Variants in SEM1 observed in about 807,000 individuals in gnomAD.
SEM1 encodes the protein SEM1 26S proteasome subunit, also known as 26S proteasome complex subunit SEM1.
A neutral mutation model predicts 12.7 loss-of-function variants in SEM1; 3 were observed. The observed-to-expected ratio is 0.24, with a 90% confidence interval of 0.11 to 0.61. SEM1 has a LOEUF of 0.61. Ranked by LOEUF, SEM1 falls within the 20% of genes least tolerant of loss-of-function variation. SEM1 has a pLI of 0.88. For synonymous variants in SEM1, 30 were observed against 27.8 expected, an observed-to-expected ratio of 1.08 and a Z score of -0.25; for missense variants, 59 against 81.3, an observed-to-expected ratio of 0.73 and a Z score of 1.06.
At chr7:96,567,141 T>A (rs528213581) in intron 2 of SEM1, among the ~76,000 whole-genome samples, 6 of 151,778 alleles carry the variant, frequency 4.0e-5, no homozygotes, top group Admixed American at 3.9e-4. Context: ...ATAAAATTAA[T>A]GTATAGGTAA....
At chr7:96,504,431 A>G (rs928607399) in intron 3 of SEM1, among the ~76,000 whole-genome samples, 2 of 152,182 alleles carry the variant, frequency 1.3e-5, no homozygotes, top group Non-Finnish European at 2.9e-5. Context: ...ATAAAATAGT[A>G]TAACAAATCC....
chr7:96,543,264 A>G (rs1189592089), intron 2 of SEM1, among the ~76,000 whole-genome samples: 1 of 151,978 alleles, frequency 6.6e-6, no homozygotes. Context: ...TATTGGGAGT[A>G]TAAGTAATCT....
At chr7:96,565,850 A>C (rs893115685) in intron 2 of SEM1, among the ~76,000 whole-genome samples, 2 of 151,870 alleles carry the variant, frequency 1.3e-5, no homozygotes, top group Non-Finnish European at 2.9e-5. Context: ...ACCTCTCAAC[A>C]AGTGTTCCCA....
chr7:96,709,488 T>G (rs1163924801), intron 1 of SEM1, among the ~76,000 whole-genome samples, 200 bp downstream of exon 1: 3 of 152,110 alleles, frequency 2.0e-5, no homozygotes, highest in African/African-American at 7.2e-5. Context: ...CCATTGGGCC[T>G]CACCAGTGAG....
At chr7:96,485,499 C>G (rs1157546941) in intron 2 of SEM1, among the ~76,000 whole-genome samples, 3 of 150,358 alleles carry the variant, frequency 2.0e-5, no homozygotes, top group African/African-American at 7.3e-5. Flanking sequence ...TTTGGGCCCA[C>G]CTAAATAACC....
chr7:96,631,976 CAG>C (rs1808275896), intron 2 of SEM1, among the ~76,000 whole-genome samples: 1 of 152,120 alleles, frequency 6.6e-6, no homozygotes, highest in East Asian at 1.9e-4. Context: ...CTGGTCATAA[CAG>C]AAATGCAAAT....
At chr7:96,698,621 T>C (rs967183438) in intron 1 of SEM1, among the ~76,000 whole-genome samples, 7 of 152,226 alleles carry the variant, frequency 4.6e-5, no homozygotes, top group African/African-American at 1.7e-4. Context: ...CTGTATAGTA[T>C]TGCACAGCGT....
At chr7:96,535,766 C>T (rs938597625) in intron 2 of SEM1, among the ~76,000 whole-genome samples, 6 of 151,884 alleles carry the variant, frequency 4.0e-5, no homozygotes, top group African/African-American at 1.4e-4. Context: ...CAACTACATC[C>T]GTGTTGCTGT....
chr7:96,554,658 T>A (rs1805416590), intron 2 of SEM1, among the ~76,000 whole-genome samples: 1 of 151,728 alleles, frequency 6.6e-6, no homozygotes, highest in South Asian at 2.1e-4. Flanking sequence ...TAACATTCTC[T>A]TTTTTTGTTG....
rs62471428 is a variant in SEM1 at position 96,601,226 on chromosome 7, C to T, written c.170+93572G>A. Among the ~76,000 whole-genome samples the T allele has an allele frequency of 8.3e-3, 1,268 of 152,168 alleles. 3 individuals are homozygous for T. The highest frequency in any genetic ancestry group is 0.013 in the Non-Finnish European group (861 of 68,000). On this transcript the variant is annotated intron_variant and NMD_transcript_variant, in intron 2 of 3. Coordinates refer to the SEM1 transcript ENST00000466986. ...CAGGAACTTGGAGTTCATTAAGGAACCAGACAAAGCTGCATTCATGGAACT... is the reference window on the plus strand; with the variant it reads ...CAGGAACTTGGAGTTCATTAAGGAATCAGACAAAGCTGCATTCATGGAACT...
chr7:96,521,621 G>A (rs886073419), intron 2 of SEM1, among the ~76,000 whole-genome samples: 3 of 152,062 alleles, frequency 2.0e-5, no homozygotes, highest in African/African-American at 4.8e-5. Context: ...TCACAACTGC[G>A]TAATGGGGCC....
downstream of SEM1, among the ~76,000 whole-genome samples, chr7:96,670,807 A>G (rs1320002830): frequency 6.6e-6 from 1 of 152,254 alleles, no homozygotes; most frequent in Non-Finnish European, 1.5e-5. Flanking sequence ...TACAGAGAGC[A>G]TGCAATGTGC....
chr7:96,660,487 C>T (rs1044528325), intron 2 of SEM1, among the ~76,000 whole-genome samples: 1 of 152,094 alleles, frequency 6.6e-6, no homozygotes, highest in Non-Finnish European at 1.5e-5. Flanking sequence ...CCACTCTGAA[C>T]ATAATAACTT....
At chr7:96,694,690 T>G in intron 2 of SEM1, 108 bp downstream of exon 2, 1 of 703,848 alleles carries the variant, frequency 1.4e-6, no homozygotes, top group Non-Finnish European at 2.4e-6. Flanking sequence ...TTCAAAAACC[T>G]ATTTCAAAGA....
intron 1 of SEM1, among the ~76,000 whole-genome samples, chr7:96,701,332 G>A (rs1450299858): frequency 6.6e-6 from 1 of 151,838 alleles, no homozygotes; most frequent in Admixed American, 6.6e-5. Flanking sequence ...GAGGTCTTGC[G>A]GGTAGGGCTC....
chr7:96,556,101 G>T (rs1805487694), intron 2 of SEM1, among the ~76,000 whole-genome samples: 2 of 152,034 alleles, frequency 1.3e-5, no homozygotes, highest in South Asian at 4.2e-4. Context: ...CGTGAGATGG[G>T]TTTCCTGAAT....
At chr7:96,685,887 A>T (rs1789748287), downstream of SEM1, among the ~76,000 whole-genome samples, 1 of 152,084 alleles carries the variant, frequency 6.6e-6, no homozygotes, top group Non-Finnish European at 1.5e-5. Context: ...AGAACAGGAA[A>T]ACTGTTAATA....
chr7:96,572,732 G>A (rs1199404887), intron 2 of SEM1, among the ~76,000 whole-genome samples: 5 of 152,304 alleles, frequency 3.3e-5, no homozygotes, highest in African/African-American at 1.2e-4. Context: ...TAAGTGCCAC[G>A]TGGTGCTGAG....
At chr7:96,635,273 T>C (rs777599177) in intron 2 of SEM1, among the ~76,000 whole-genome samples, 1 of 151,910 alleles carries the variant, frequency 6.6e-6, no homozygotes, top group Non-Finnish European at 1.5e-5. Context: ...AAGTTTCAAA[T>C]ATAGTAAGTT....
Sources: allele counts gnomAD v4.1 joint callset (sites outside exome capture counted in the v4.1 genomes callset), GRCh38; gene constraint gnomAD v4.1.1; transcripts MANE v1.5; gene names NCBI Gene and HGNC (gene_info 2026-07-23, HGNC 2026-07-21).